LY96: variants seen among roughly 807,000 people sequenced by gnomAD.
LY96 encodes lymphocyte antigen 96, also known as myeloid differentiation protein-2.
LY96 carries 18 observed loss-of-function variants against 18.9 expected under a neutral mutation model. The observed-to-expected ratio is 0.95, with a 90% CI of 0.66 to 1.41. The LOEUF (loss-of-function observed/expected upper bound fraction) is 1.41, where lower values mean the gene tolerates loss of function less well. LY96 is among the 40% of genes most tolerant of loss of function. LY96 has a pLI of 0.00. For synonymous variants in LY96, 66 were observed against 62.6 expected (o/e 1.06, Z -0.26); for missense variants, 175 against 182.4 (o/e 0.96, Z 0.23).
At chr8:74,048,244 G>A in the LY96 span, among the ~76,000 whole-genome samples, 427 of 151,616 alleles carry the variant, frequency 2.8e-3, 1 homozygote, top group Non-Finnish European at 4.3e-3. Context: ...CTAAGCCACA[G>A]TGGTCTTCGT....
intron 1 of LY96, among the ~76,000 whole-genome samples, chr8:73,996,901 C>T (rs1463248016): frequency 6.7e-6 from 1 of 149,686 alleles, no homozygotes; most frequent in Non-Finnish European, 1.5e-5. Flanking sequence ...TGCGCCACCA[C>T]ACCCGGCTAA....
chr8:73,995,476 A>T (rs1816107385), intron 1 of LY96, among the ~76,000 whole-genome samples: 1 of 152,168 alleles, frequency 6.6e-6, no homozygotes, highest in Non-Finnish European at 1.5e-5. Flanking sequence ...TTTTAACTTA[A>T]TTACCTCTTT....
chr8:74,030,827 C>A (rs1403228600), downstream of LY96, among the ~76,000 whole-genome samples: 2 of 152,222 alleles, frequency 1.3e-5, no homozygotes, highest in African/African-American at 4.8e-5. Context: ...AGAACCAAAT[C>A]AAACCAACTA....
chr8:74,025,654 CAAAAAAAAAAAA>C (rs574843103), intron 3 of LY96, among the ~76,000 whole-genome samples: 1 of 68,786 alleles, frequency 1.5e-5, no homozygotes, highest in Admixed American at 1.6e-4. Context: ...AACTCCGTCT[CAAAAAAAAAAAA>C]AAAAAAAAAG....
the LY96 span, among the ~76,000 whole-genome samples, chr8:74,075,082 C>T: frequency 2.6e-5 from 4 of 152,110 alleles, no homozygotes; most frequent in African/African-American, 7.2e-5. Context: ...GAAAGAGGGG[C>T]GTTGAAGTCT....
chr8:74,005,726 G>T (rs1486748247), intron 2 of LY96, among the ~76,000 whole-genome samples: 1 of 152,192 alleles, frequency 6.6e-6, no homozygotes, highest in Non-Finnish European at 1.5e-5. Flanking sequence ...CGCAGGTGGG[G>T]TGATAGCATG....
At chr8:74,049,551 C>A in the LY96 span, among the ~76,000 whole-genome samples, 4 of 151,688 alleles carry the variant, frequency 2.6e-5, no homozygotes, top group Non-Finnish European at 4.4e-5. Flanking sequence ...AAAATAAGGG[C>A]GAAAGGAAAT....
the LY96 span, among the ~76,000 whole-genome samples, chr8:74,051,374 T>C: frequency 5.3e-5 from 8 of 152,232 alleles, no homozygotes; most frequent in Non-Finnish European, 1.0e-4. Context: ...GGGCATGAGA[T>C]AAAAGACTGA....
chr8:74,052,457 T>C, the LY96 span: 2 of 152,294 alleles, frequency 1.3e-5, no homozygotes, highest in South Asian at 2.1e-4. Flanking sequence ...TTTTCTTTTA[T>C]TGGAAGTAGG....
the LY96 span, among the ~76,000 whole-genome samples, chr8:74,070,804 A>T: frequency 2.6e-5 from 4 of 152,180 alleles, no homozygotes; most frequent in African/African-American, 9.7e-5. Flanking sequence ...TCAGGACACA[A>T]GGGGTTTTTA....
intron 1 of LY96, among the ~76,000 whole-genome samples, chr8:73,998,036 C>T (rs1255025140): frequency 6.6e-6 from 1 of 152,132 alleles, no homozygotes. Context: ...CCCCTTCCTG[C>T]AGGATGGGAG....
chr8:74,080,999 TTTC>T, the LY96 span, among the ~76,000 whole-genome samples: 395 of 116,522 alleles, frequency 3.4e-3, 6 homozygotes, highest in African/African-American at 0.017. Flanking sequence ...TCTTTCTTTC[TTTC>T]TTTCTTTCTT....
In LY96 at chr8:74,029,021, G is replaced by A; in HGVS notation, c.450G>A (p.Glu150=). Residue 150 remains glutamate (E), a synonymous_variant, in exon 5 of 5, where the codon GAG becomes GAA. Coordinates refer to ENST00000284818, the MANE Select transcript of LY96 (RefSeq NM_015364.5). ...GSPEEMLFCL[E]FVILHQPNSN ...CAGAAGAAATGCTCTTTTGCTTGGA[G>A]TTTGTCATCCTACACCAACCTAATT... The A allele has an allele frequency of 1.2e-6, 2 of 1,611,504 alleles. No individual in the cohort carries two copies. The highest frequency in any genetic ancestry group is 1.7e-6 in the Non-Finnish European group (2 of 1,178,396).
chr8:74,072,131 C>G, the LY96 span, among the ~76,000 whole-genome samples: 1 of 152,080 alleles, frequency 6.6e-6, no homozygotes, highest in Non-Finnish European at 1.5e-5. Context: ...AGTTTTTACT[C>G]TACCATCCAT....
At chr8:74,032,163 C>G (rs1450581295), downstream of LY96, among the ~76,000 whole-genome samples, 1 of 152,000 alleles carries the variant, frequency 6.6e-6, no homozygotes, top group Non-Finnish European at 1.5e-5. Context: ...AACAACCAAC[C>G]AACCAAACAT....
intron 3 of LY96, among the ~76,000 whole-genome samples, chr8:74,024,769 G>A (rs555021816): frequency 1.3e-5 from 2 of 152,082 alleles, no homozygotes; most frequent in South Asian, 2.1e-4. Context: ...TATTTGGAAT[G>A]GTTTCTTCTT....
chr8:74,087,186 A>G, the LY96 span, among the ~76,000 whole-genome samples: 13 of 152,202 alleles, frequency 8.5e-5, no homozygotes, highest in African/African-American at 2.7e-4. Context: ...GACTTGAGAA[A>G]CAGTTTATAG....
intron 3 of LY96, among the ~76,000 whole-genome samples, chr8:74,022,573 CT>C (rs1441665042): frequency 2.7e-5 from 4 of 146,048 alleles, no homozygotes; most frequent in Admixed American, 6.7e-5. Context: ...AGGGTTTTTT[CT>C]TTTTTTCTTT....
intron 1 of LY96, among the ~76,000 whole-genome samples, chr8:73,992,310 A>AC (rs767653193): frequency 5.9e-5 from 9 of 152,118 alleles, no homozygotes; most frequent in Non-Finnish European, 1.2e-4. Flanking sequence ...CGTGCTGCTT[A>AC]CCATGGGTTG....
Sources: gnomAD v4.1 joint callset for allele counts (sites outside exome capture counted in the v4.1 genomes callset) on GRCh38, gnomAD v4.1.1 for gene constraint, MANE v1.5 for transcripts, NCBI Gene and HGNC (gene_info 2026-07-23, HGNC 2026-07-21) for gene names.